DOT1L: variants seen among roughly 807,000 people sequenced by gnomAD.
The protein encoded by DOT1L is histone-lysine N-methyltransferase, H3 lysine-79 specific.
DOT1L carries 33 observed loss-of-function variants against 153.3 expected under a neutral mutation model. That is an observed-to-expected ratio of 0.22 (90% CI 0.16 to 0.29). The LOEUF (loss-of-function observed/expected upper bound fraction) is 0.29, where lower values mean the gene tolerates loss of function less well. Among genes scored for constraint, DOT1L ranks in the 10% least tolerant of loss-of-function variants. The pLI is 1.00. For missense variants in DOT1L, 1,847 were observed against 2,119.9 expected (o/e 0.87, Z 2.53); for synonymous variants, 1,135 against 965.1 (o/e 1.18, Z -3.26).
intron 1 of DOT1L, among the ~76,000 whole-genome samples, chr19:2,166,388 G>T (rs1336415447): frequency 6.7e-6 from 1 of 149,550 alleles, no homozygotes; most frequent in Non-Finnish European, 1.5e-5. Flanking sequence ...GAGCCACCTC[G>T]CCTGGCCTCA....
rs551865860 is a variant in DOT1L, at chr19:2,207,762, T to G, written c.963+82T>G. The G allele has an allele frequency of 7.7e-7, 1 of 1,302,574 alleles. No homozygotes were observed. The highest frequency in any genetic ancestry group is 1.1e-6 in the Non-Finnish European group (1 of 951,972). The allele number at this position is 1,302,574 out of a possible 1,614,324, so 80.7% of individuals were successfully genotyped here. On this transcript the variant is annotated intron_variant, in intron 11 of 27. Coordinates refer to ENST00000398665, the MANE Select transcript of DOT1L (RefSeq NM_032482.3). This position sits in a 1 kb window ranked among gnomAD's most constrained non-coding sequence, Gnocchi z 4.5. Reference sequence around the variant, plus strand: ...CGTCACACTGCTCTCTCCTTTCTCATGTGGCCTCTGAGACCCTCCCCTCAG... The same window carrying G: ...CGTCACACTGCTCTCTCCTTTCTCAGGTGGCCTCTGAGACCCTCCCCTCAG...
At chr19:2,189,615 G>C (rs2022700325) in intron 3 of DOT1L, 117 bp from the exon 4 acceptor site, 1 of 1,133,946 alleles carries the variant, frequency 8.8e-7, no homozygotes, top group East Asian at 2.6e-5. Flanking sequence ...CCAGCTGGCT[G>C]GTGGCTGTCC....
chr19:2,218,381 CATTT>C (rs1568363804), intron 22 of DOT1L, among the ~76,000 whole-genome samples: 1 of 152,172 alleles, frequency 6.6e-6, no homozygotes, highest in African/African-American at 2.4e-5. Context: ...TGGTTTTTAG[CATTT>C]ATTTTTTATT....
chr19:2,183,322 A>G (rs1256264996), intron 2 of DOT1L, among the ~76,000 whole-genome samples: 1 of 151,810 alleles, frequency 6.6e-6, no homozygotes, highest in African/African-American at 2.4e-5. Flanking sequence ...AGGTGCCTGC[A>G]ACCACGCCCA....
intron 22 of DOT1L, among the ~76,000 whole-genome samples, chr19:2,218,953 C>A (rs1055978570): frequency 6.6e-6 from 1 of 151,304 alleles, no homozygotes; most frequent in East Asian, 2.0e-4. Flanking sequence ...CTCACTGCAG[C>A]CTCCGCCTGC....
At chr19:2,227,170 G>A (rs778858462) in intron 27 of DOT1L, 43 bp downstream of exon 27, 4 of 1,575,018 alleles carry the variant, frequency 2.5e-6, no homozygotes, top group East Asian at 2.3e-5. Context: ...CCCGGCCCCC[G>A]CCGGAGGCCC....
At chr19:2,212,482 T>G (rs893347311) in intron 16 of DOT1L, 3 of 152,406 alleles carry the variant, frequency 2.0e-5, no homozygotes, top group Admixed American at 2.0e-4. Context: ...TCTTTAGGGT[T>G]GTCCTGCTGC....
At chr19:2,200,615 C>G (rs948992038) in intron 8 of DOT1L, among the ~76,000 whole-genome samples, 1 of 152,214 alleles carries the variant, frequency 6.6e-6, no homozygotes, top group African/African-American at 2.4e-5. Flanking sequence ...GGTCAGCAGC[C>G]GGCTGGGCCC....
chr19:2,220,264 G>A lies in DOT1L; in HGVS notation c.2806+42G>A. On this transcript the variant is annotated intron_variant, in intron 23 of 27. Transcript: ENST00000398665. The surrounding 1 kb of genome is among the most constrained non-coding windows in gnomAD (Gnocchi z 4.5). The stretch of plus-strand genomic sequence containing the variant: ...GCCCTACCCTCAGGACTCTGCTGCT[G>A]CTGCTGCTCTTCAGGCAGGAGGGCT... 6.4e-7 allele frequency: 1 copy of A among 1,571,016 alleles called. No individual in the cohort carries two copies. Among genetic ancestry groups the A allele is most frequent in the Non-Finnish European group, 8.7e-7 (1 of 1,153,216 alleles).
At chr19:2,227,861 G>A (rs757403031) in intron 27 of DOT1L, 12 of 1,282,046 alleles carry the variant, frequency 9.4e-6, no homozygotes, top group Non-Finnish European at 1.1e-5. Context: ...CCAGCGCCTC[G>A]GCCTCTTCCT....
chr19:2,220,561 A>C lies in DOT1L; in HGVS notation c.2806+339A>C. ...GCCCCTGACTCAGGATCGGCTCCAC[A>C]CACAGCAGTGCCCAATGGCACACGA... On this transcript the variant is annotated intron_variant, in intron 23 of 27. Transcript: ENST00000398665. This position sits in a 1 kb window ranked among gnomAD's most constrained non-coding sequence, Gnocchi z 4.5. The C allele has an allele frequency of 2.1e-6, 1 of 482,484 alleles. No homozygotes were observed. Among genetic ancestry groups the C allele is most frequent in the Non-Finnish European group, 4.1e-6 (1 of 244,008 alleles). The allele number at this position is 482,484 out of a possible 1,614,324, so 29.9% of individuals were successfully genotyped here.
intron 27 of DOT1L, chr19:2,227,475 C>G (rs776464030): frequency 7.8e-5 from 43 of 551,604 alleles, no homozygotes; most frequent in Admixed American, 9.1e-5. Context: ...TGGGTAAGAG[C>G]GAGTCCCCGC....
In DOT1L at chr19:2,231,235, C is replaced by T. The variant is rs1242609672; in HGVS notation, c.*1443C>T. The T allele has an allele frequency of 4.4e-6, 1 of 227,854 alleles. No individual in the cohort carries two copies. The highest frequency in any genetic ancestry group is 1.8e-4 in the South Asian group (1 of 5,496). The allele number at this position is 227,854 out of a possible 1,614,324, so 14.1% of individuals were successfully genotyped here. A position where few individuals can be genotyped will look rare whatever the true frequency, so the allele number is the denominator to read the frequency against. On this transcript the variant is annotated 3_prime_UTR_variant, in exon 28 of 28. Transcript: ENST00000398665. ...CTGGGCTGTGTGGCACTTGCTGAGC[C>T]CACCTTCTCAAGTGCTTGCTCCTGT...
chr19:2,222,003 T>A lies in DOT1L; in HGVS notation c.2834T>A (p.Ile945Asn). ...AGFSYAGSVA[I>N]SGALAGSPAS... ...TTCTCCTACGCTGGCTCGGTGGCCA[T>A]CAGCGGGGCCTTGGCGGGCAGCCCG... Residue 945 changes from isoleucine (I) to asparagine (N), a missense_variant, in exon 24 of 28, where the codon ATC becomes AAC. By Grantham distance (149) the Ile-to-Asn change is moderately radical (BLOSUM62 -3). This residue lies in a region of DOT1L where 68 missense variants were observed against 80.7 expected (regional missense o/e 0.84). Coordinates refer to ENST00000398665, the MANE Select transcript of DOT1L (RefSeq NM_032482.3). This position sits in a 1 kb window ranked among gnomAD's most constrained non-coding sequence, Gnocchi z 6.5. The A allele has an allele frequency of 6.2e-7, 1 of 1,610,302 alleles. No individual in the cohort carries two copies.
In DOT1L at chr19:2,227,033, C is replaced by T. The variant is rs111329227; in HGVS notation, c.4512C>T (p.Ala1504=). The change falls in exon 27 of 28, where the codon GCC becomes GCT. Residue 1504 remains alanine, a synonymous_variant. Transcript: ENST00000398665. ...LQSLFSSVPA[A]AGLVHVSSAA... The stretch of plus-strand genomic sequence containing the variant: ...CGCTGTTCAGCTCTGTGCCGGCCGC[C>T]GCAGGCCTGGTGCACGTGTCGTCCG... The T allele has an allele frequency of 1.3e-6, 2 of 1,583,386 alleles. No individual in the cohort carries two copies. The highest frequency in any genetic ancestry group is 1.7e-6 in the Non-Finnish European group (2 of 1,171,286).
At chr19:2,216,192 C>A in intron 19 of DOT1L, 89 bp from the exon 20 acceptor site, 1 of 1,485,762 alleles carries the variant, frequency 6.7e-7, no homozygotes, top group Non-Finnish European at 8.9e-7. Flanking sequence ...GGGTCCTGGC[C>A]ACCCCTCCGG....
chr19:2,184,136 C>T (rs769255057), intron 2 of DOT1L, among the ~76,000 whole-genome samples: 36 of 152,114 alleles, frequency 2.4e-4, no homozygotes, highest in Non-Finnish European at 4.4e-4. Context: ...GTTTTTCTTG[C>T]CGAGTTGCGC....
chr19:2,230,077 T>C lies in DOT1L; in HGVS notation c.*285T>C. Reference sequence around the variant, plus strand: ...GTAAAAGGCAACTTATTGAGAAATATAAATATCTATATATGAGAGCTCTAT... The same window carrying C: ...GTAAAAGGCAACTTATTGAGAAATACAAATATCTATATATGAGAGCTCTAT... On this transcript the variant is annotated 3_prime_UTR_variant, in exon 28 of 28. Transcript: ENST00000398665. 1.7e-6 allele frequency: 1 copy of C among 598,218 alleles called. No homozygotes were observed. The highest frequency in any genetic ancestry group is 2.9e-6 in the Non-Finnish European group (1 of 341,280). The allele number at this position is 598,218 out of a possible 1,614,324, so 37.1% of individuals were successfully genotyped here.
chr19:2,199,979 C>T (rs781624937), intron 8 of DOT1L, 40 bp downstream of exon 8: 27 of 1,605,788 alleles, frequency 1.7e-5, no homozygotes, highest in Middle Eastern at 1.7e-4. Context: ...GTGGGGTGTG[C>T]GCTCACAGGC....
Sources: gnomAD v4.1 joint callset for allele counts (sites outside exome capture counted in the v4.1 genomes callset) on GRCh38, gnomAD v4.1.1 for gene constraint, gnomAD v4.1.1 regional missense constraint, Gnocchi (gnomAD v3.1) non-coding constraint, MANE v1.5 for transcripts, NCBI Gene and HGNC (gene_info 2026-07-23, HGNC 2026-07-21) for gene names.